TMEM163: variants seen among roughly 807,000 people sequenced by gnomAD.
The protein encoded by TMEM163 is transmembrane protein 163.
TMEM163 carries 17 observed loss-of-function variants against 29.3 expected under a neutral mutation model. The ratio of observed to expected loss-of-function variants is 0.58; its 90% CI spans 0.40 to 0.87. The LOEUF (loss-of-function observed/expected upper bound fraction) is 0.87. TMEM163 is among the 40% of genes least tolerant of loss of function. The pLI, the probability that TMEM163 is intolerant of heterozygous loss-of-function variation, is 0.00. For missense variants in TMEM163, 303 were observed against 381.5 expected, an observed-to-expected ratio of 0.79 and a Z score of 1.71; for synonymous variants, 157 against 160.6, an observed-to-expected ratio of 0.98 and a Z score of 0.17.
At chr2:134,668,186 C>T (rs144978102) in intron 2 of TMEM163, among the ~76,000 whole-genome samples, 2 of 152,312 alleles carry the variant, frequency 1.3e-5, no homozygotes, top group Non-Finnish European at 2.9e-5. Flanking sequence ...AACCGAAACT[C>T]AAAAGAGTTG....
chr2:134,555,008 A>T (rs1432416247), intron 2 of TMEM163, among the ~76,000 whole-genome samples: 2 of 152,102 alleles, frequency 1.3e-5, no homozygotes, highest in African/African-American at 4.8e-5. Flanking sequence ...AATTGAGACT[A>T]CTCTGAAGGG....
chr2:134,554,493 C>T (rs1681005355), intron 2 of TMEM163, among the ~76,000 whole-genome samples: 1 of 151,448 alleles, frequency 6.6e-6, no homozygotes, highest in Admixed American at 6.6e-5. Flanking sequence ...TCTGTCTCCA[C>T]CTGTGCTCCT....
Position 134,649,526 on chromosome 2 carries a change from G to A in TMEM163, c.322+63674C>T, listed in dbSNP as rs116627574. 2.8e-3 allele frequency among the ~76,000 whole-genome samples: 428 copies of A among 152,228 alleles called. 4 individuals are homozygous for A. Among genetic ancestry groups the A allele is most frequent in the African/African-American group, 9.4e-3 (392 of 41,540 alleles). On this transcript the variant is annotated intron_variant, in intron 2 of 7. Coordinates refer to ENST00000281924, the MANE Select transcript of TMEM163 (RefSeq NM_030923.5). Reference sequence around the variant, plus strand: ...TCTGGTAATGTTTAGGTGCATTCTTGGTTGAAAGATATCAATCTTAAATAA... The same window carrying A: ...TCTGGTAATGTTTAGGTGCATTCTTAGTTGAAAGATATCAATCTTAAATAA...
chr2:134,644,821 G>GA (rs1450787669), intron 2 of TMEM163, among the ~76,000 whole-genome samples: 7 of 151,806 alleles, frequency 4.6e-5, no homozygotes, highest in African/African-American at 1.7e-4. Context: ...TAAAGAGAAT[G>GA]AAAAAAACAA....
intron 2 of TMEM163, among the ~76,000 whole-genome samples, chr2:134,627,565 TA>T (rs1379640848): frequency 6.6e-6 from 1 of 152,220 alleles, no homozygotes; most frequent in Admixed American, 6.5e-5. Context: ...ACAGATGGCT[TA>T]TTTTTTTACA....
intron 4 of TMEM163, among the ~76,000 whole-genome samples, chr2:134,529,015 C>A (rs1437957576): frequency 6.6e-6 from 1 of 152,116 alleles, no homozygotes; most frequent in Non-Finnish European, 1.5e-5. Flanking sequence ...GAACACGTAC[C>A]ATTAGCTCAG....
intron 2 of TMEM163, among the ~76,000 whole-genome samples, chr2:134,619,989 G>A (rs190189986): frequency 5.3e-4 from 80 of 152,146 alleles, no homozygotes; most frequent in Middle Eastern, 6.8e-3. Context: ...TGTAAGACTC[G>A]TACACTAGAA....
At chr2:134,464,566 A>G (rs1274106918) in intron 6 of TMEM163, among the ~76,000 whole-genome samples, 1 of 152,128 alleles carries the variant, frequency 6.6e-6, no homozygotes, top group Non-Finnish European at 1.5e-5. Flanking sequence ...ACATCCATGC[A>G]CACGGGTGAT....
intron 2 of TMEM163, among the ~76,000 whole-genome samples, chr2:134,595,120 A>AT (rs1169413050): frequency 6.6e-6 from 1 of 151,470 alleles, no homozygotes; most frequent in East Asian, 1.9e-4. Flanking sequence ...TTATATATAT[A>AT]TTTTTTATTA....
intron 4 of TMEM163, among the ~76,000 whole-genome samples, chr2:134,549,783 T>C (rs1166924240): frequency 1.3e-5 from 2 of 152,218 alleles, no homozygotes; most frequent in Admixed American, 6.5e-5. Flanking sequence ...CATGCACATA[T>C]ATACATATAA....
intron 2 of TMEM163, among the ~76,000 whole-genome samples, chr2:134,656,204 C>T (rs59018753): frequency 0.065 from 8,408 of 130,098 alleles, 472 homozygotes; most frequent in African/African-American, 0.16. Context: ...AGCGAGACTC[C>T]GTGGGCGTAG....
chr2:134,464,871 T>G (rs967998100), intron 6 of TMEM163, among the ~76,000 whole-genome samples: 2 of 151,964 alleles, frequency 1.3e-5, no homozygotes, highest in Non-Finnish European at 2.9e-5. Flanking sequence ...CCCTGCCCAC[T>G]GTGCAAAGCT....
chr2:134,470,353 T>G (rs1202736633), intron 5 of TMEM163, among the ~76,000 whole-genome samples: 1 of 133,402 alleles, frequency 7.5e-6, no homozygotes, highest in Non-Finnish European at 1.6e-5. Flanking sequence ...TGAGACTCCG[T>G]CTCAAAAAAA....
chr2:134,558,479 A>G (rs1681096032), intron 2 of TMEM163, among the ~76,000 whole-genome samples: 2 of 152,256 alleles, frequency 1.3e-5, no homozygotes, highest in African/African-American at 4.8e-5. Context: ...CAGGCCAGAA[A>G]GCATATCAGC....
chr2:134,458,790 G>GT (rs1405235118), intron 6 of TMEM163: 11 of 152,288 alleles, frequency 7.2e-5, no homozygotes, highest in African/African-American at 2.7e-4. Flanking sequence ...GTAACCTGAG[G>GT]TTTTTTCCTT....
intron 2 of TMEM163, among the ~76,000 whole-genome samples, chr2:134,578,770 G>A (rs1163904235): frequency 6.6e-6 from 1 of 152,102 alleles, no homozygotes; most frequent in African/African-American, 2.4e-5. Context: ...GTGTGTGCAT[G>A]TGTGTGTGAG....
chr2:134,667,195 G>A (rs1347944275), intron 2 of TMEM163, among the ~76,000 whole-genome samples: 1 of 152,240 alleles, frequency 6.6e-6, no homozygotes, highest in Non-Finnish European at 1.5e-5. Flanking sequence ...AGAGGCTGCT[G>A]GCTAGGCTGT....
chr2:134,470,356 CAAAA>C (rs35003964), intron 5 of TMEM163, among the ~76,000 whole-genome samples: 2 of 91,336 alleles, frequency 2.2e-5, no homozygotes, highest in East Asian at 3.0e-4. Flanking sequence ...GACTCCGTCT[CAAAA>C]AAAAAAAAAA....
At chr2:134,574,898 T>C (rs1305636735) in intron 2 of TMEM163, among the ~76,000 whole-genome samples, 1 of 152,152 alleles carries the variant, frequency 6.6e-6, no homozygotes, top group East Asian at 1.9e-4. Context: ...CTGAGCACCT[T>C]GGCATGGGGT....
Sources: allele counts gnomAD v4.1 joint callset (sites outside exome capture counted in the v4.1 genomes callset), GRCh38; gene constraint gnomAD v4.1.1; transcripts MANE v1.5; gene names NCBI Gene and HGNC (gene_info 2026-07-23, HGNC 2026-07-21).